The following CAMSAP3 variants were observed in gnomAD, a reference collection of about 807,000 sequenced individuals.
CAMSAP3 encodes the protein calmodulin-regulated spectrin-associated protein 3.
In CAMSAP3, 34 loss-of-function variants were observed where a neutral mutation model predicts 112.5. That is an observed-to-expected ratio of 0.30 (90% CI 0.23 to 0.40). The LOEUF (loss-of-function observed/expected upper bound fraction) is 0.40. CAMSAP3 is among the 10% of genes least tolerant of loss of function. The probability of loss-of-function intolerance (pLI) is 1.00; values close to 1 mark genes in which losing one functional copy is unlikely to be tolerated. For synonymous variants in CAMSAP3, 868 were observed against 799.8 expected (o/e 1.09, Z -1.44); for missense variants, 1,602 against 1,770.3 (o/e 0.90, Z 1.71).
rs1384777444 is a variant in CAMSAP3, at chr19:7,611,745, G to A, written c.1252G>A (p.Asp418Asn). 6.4e-7 allele frequency: 1 copy of A among 1,574,470 alleles called. No individual in the cohort carries two copies. Among genetic ancestry groups the A allele is most frequent in the East Asian group, 2.3e-5 (1 of 44,402 alleles). The change falls in exon 11 of 17, where the codon GAT becomes AAT. Residue 418 changes from aspartate (D) to asparagine (N), a missense_variant. Asp to Asn is a conservative substitution (Grantham distance 23, BLOSUM62 1). Coordinates refer to ENST00000160298, the MANE Select transcript of CAMSAP3 (RefSeq NM_020902.2). This position sits in a 1 kb window ranked among gnomAD's most constrained non-coding sequence, Gnocchi z 6.9. ...CCCCTTTGGCCTGGACAGCGACGTG[G>A]ATGTCGTCATGGGAGACCCTGTGCT... ...STPFGLDSDVDVVMGDPVLLR... is the reference protein window; with the variant it reads ...STPFGLDSDVNVVMGDPVLLR...
chr19:7,608,085 G>C (rs767034964), intron 4 of CAMSAP3, 41 bp from the exon 5 acceptor site: 2 of 1,594,708 alleles, frequency 1.3e-6, no homozygotes, highest in Admixed American at 3.4e-5. Flanking sequence ...TGACCCTGGG[G>C]GCCAGCCTGG....
At chr19:7,596,267 G>T in intron 1 of CAMSAP3, 117 bp downstream of exon 1, 1 of 432,164 alleles carries the variant, frequency 2.3e-6, no homozygotes, top group Non-Finnish European at 3.1e-6. Context: ...AGCGCCGGCC[G>T]CCGGGGGTCC....
chr19:7,616,046 C>T (rs1024838520), intron 13 of CAMSAP3, among the ~76,000 whole-genome samples: 13 of 143,486 alleles, frequency 9.1e-5, no homozygotes, highest in African/African-American at 1.3e-4. Context: ...AAAAATTAGC[C>T]GGGCATATGG....
intron 2 of CAMSAP3, 152 bp downstream of exon 2, chr19:7,605,631 C>A: frequency 2.1e-6 from 2 of 932,966 alleles, no homozygotes; most frequent in Admixed American, 3.7e-5. Context: ...TCCCATCAGG[C>A]TTGGCTCCTC....
Position 7,616,529 on chromosome 19 carries a change from G to T in CAMSAP3, c.3119G>T (p.Arg1040Leu), listed in dbSNP as rs750623892. 1.2e-6 allele frequency: 2 copies of T among 1,613,024 alleles called. No individual in the cohort carries two copies. Among genetic ancestry groups the T allele is most frequent in the Non-Finnish European group, 1.7e-6 (2 of 1,179,422 alleles). Residue 1040 changes from arginine (R) to leucine (L), a missense_variant, in exon 14 of 17, where the codon CGG (arginine) becomes CTG (leucine). Arg to Leu is a moderately radical substitution (Grantham distance 102). Around this residue, in one of 6 missense-constraint regions of CAMSAP3, gnomAD observed 1,100 missense variants for 1,135.7 expected, o/e 0.97. Transcript: ENST00000160298. ...CTGCAATCTCTGTCCCCAGGCTCTC[G>T]GCTGAGCAAAATCTATTCCCAGTCC... Reference protein sequence around the residue: ...RSPARGLLGSRLSKIYSQSTL... With the variant: ...RSPARGLLGSLLSKIYSQSTL...
chr19:7,607,763 G>T lies in CAMSAP3; in HGVS notation c.622-363G>T, dbSNP rs895258613. The T allele has an allele frequency of 8.3e-6, 5 of 599,994 alleles. No individual in the cohort carries two copies. In the African/African-American group the frequency reaches 9.5e-5, roughly 11 times the overall value. 37.2% of individuals were successfully genotyped at this position (599,994 alleles called of 1,614,324 possible). A position where few individuals can be genotyped will look rare whatever the true frequency, so the allele number is the denominator to read the frequency against. On this transcript the variant is annotated intron_variant, in intron 4 of 16. Coordinates refer to ENST00000160298, the MANE Select transcript of CAMSAP3 (RefSeq NM_020902.2). The surrounding 1 kb of genome is among the most constrained non-coding windows in gnomAD (Gnocchi z 4.9). ...ACCCCCTCCCCCCCAAGGTGGGCTT[G>T]GGGGCCCAGCAGGTCAGCACCCCTC...
At chr19:7,596,175 TCGGGGGCGGCGGGC>T in intron 1 of CAMSAP3, 25 bp downstream of exon 1, 1 of 34,498 alleles carries the variant, frequency 2.9e-5, no homozygotes, top group Non-Finnish European at 5.1e-5. Context: ...GGGACCGGGG[TCGGGGGCGGCGGGC>T]CGGGCGCGGC....
Position 7,611,901 on chromosome 19 carries a change from G to A in CAMSAP3, c.1408G>A (p.Glu470Lys), listed in dbSNP as rs745782700. Residue 470 changes from glutamate to lysine, a missense_variant, in exon 11 of 17, where the codon GAG (glutamate) becomes AAG (lysine). Coordinates refer to ENST00000160298, the MANE Select transcript of CAMSAP3 (RefSeq NM_020902.2). The surrounding 1 kb of genome is among the most constrained non-coding windows in gnomAD (Gnocchi z 6.9). ...AGCTCTGCAGATCATCCACAGTGCC[G>A]AGCCCCGGCTCCTCCCAGATGGGGC... ...EEALQIIHSA[E>K]PRLLPDGAAD... 40 of 1,578,278 alleles carry A rather than the reference G, an allele frequency of 2.5e-5. No homozygotes were observed. Among genetic ancestry groups the A allele is most frequent in the Non-Finnish European group, 3.3e-5 (38 of 1,159,576 alleles).
Position 7,611,294 on chromosome 19 carries a change from C to A in CAMSAP3, c.1123+126C>A. On this transcript the variant is annotated intron_variant, in intron 9 of 16. Transcript: ENST00000160298. The surrounding 1 kb of genome is among the most constrained non-coding windows in gnomAD (Gnocchi z 6.9). ...CTCCATCAGATCCCCCTTGGGCATC[C>A]CAAAGTGACCCCCAGAATGGCCTCC... 1.0e-6 allele frequency: 1 copy of A among 992,822 alleles called. No homozygotes were observed. Among genetic ancestry groups the A allele is most frequent in the Non-Finnish European group, 1.5e-6 (1 of 657,824 alleles). 61.5% of individuals were successfully genotyped at this position (992,822 alleles called of 1,614,324 possible).
chr19:7,615,006 T>C lies in CAMSAP3; in HGVS notation c.2671-177T>C. ...CGGCACCCAGTGTATCCCATCCCTG[T>C]TGTGTCCCAGTACTTAGTGTGGGGC... On this transcript the variant is annotated intron_variant, in intron 11 of 16. Transcript: ENST00000160298. The surrounding 1 kb of genome is among the most constrained non-coding windows in gnomAD (Gnocchi z 6.5). 1 of 712,100 alleles carries C rather than the reference T, an allele frequency of 1.4e-6. No homozygotes were observed. The highest frequency in any genetic ancestry group is 2.4e-6 in the Non-Finnish European group (1 of 413,032). 44.1% of individuals were successfully genotyped at this position (712,100 alleles called of 1,614,324 possible). A position where few individuals can be genotyped will look rare whatever the true frequency, so the allele number is the denominator to read the frequency against.
intron 1 of CAMSAP3, among the ~76,000 whole-genome samples, chr19:7,598,945 C>T (rs1307690196): frequency 6.6e-6 from 1 of 152,058 alleles, no homozygotes; most frequent in Non-Finnish European, 1.5e-5. Flanking sequence ...TTGGTTTTCT[C>T]ATCTGTACAA....
Position 7,605,200 on chromosome 19 carries a change from C to T in CAMSAP3, c.149-26C>T, listed in dbSNP as rs2030147850. 2.2e-6 allele frequency: 3 copies of T among 1,349,774 alleles called. No individual in the cohort carries two copies. The East Asian group carries it at 8.4e-5, about 38-fold the overall frequency. The allele number at this position is 1,349,774 out of a possible 1,614,324, so 83.6% of individuals were successfully genotyped here. A position where few individuals can be genotyped will look rare whatever the true frequency, so the allele number is the denominator to read the frequency against. Reference sequence around the variant, plus strand: ...TGTTGTATCTGGTGACCCTGACCCCCGTGTTTCCCCTCTATGCCCCCACAG... The same window carrying T: ...TGTTGTATCTGGTGACCCTGACCCCTGTGTTTCCCCTCTATGCCCCCACAG... On this transcript the variant is annotated intron_variant, in intron 1 of 16. Transcript: ENST00000160298.
At position 7,610,389 on chromosome 19, in the gene CAMSAP3, T is replaced by G; in HGVS notation, c.761-87T>G. ...AGCTGGGCTCATAGGAGGTCTTCCG[T>G]GTGTGGGGGACTGCTGGTCCCTGGC... On this transcript the variant is annotated intron_variant, in intron 5 of 16. Transcript: ENST00000160298. This position sits in a 1 kb window ranked among gnomAD's most constrained non-coding sequence, Gnocchi z 4.9. 2.5e-6 allele frequency: 3 copies of G among 1,213,060 alleles called. No individual in the cohort carries two copies. The highest frequency in any genetic ancestry group is 2.2e-5 in the Admixed American group (1 of 45,208). The allele number at this position is 1,213,060 out of a possible 1,614,324, so 75.1% of individuals were successfully genotyped here.
At chr19:7,605,567 GT>G in intron 2 of CAMSAP3, 88 bp downstream of exon 2, 1 of 1,340,750 alleles carries the variant, frequency 7.5e-7, no homozygotes, top group South Asian at 1.8e-5. Context: ...CTCCTCCCAA[GT>G]TCCCTCTATC....
intron 1 of CAMSAP3, among the ~76,000 whole-genome samples, chr19:7,598,842 T>G (rs1322441431): frequency 6.6e-6 from 1 of 152,098 alleles, no homozygotes; most frequent in Non-Finnish European, 1.5e-5. Flanking sequence ...TGCAGTTCTT[T>G]ATGCCTTCAG....
At position 7,618,057 on chromosome 19, in the gene CAMSAP3, G is replaced by T. The variant is rs1435910578; in HGVS notation, c.3750G>T (p.Ter1250TyrextTer77). The T allele has an allele frequency of 6.2e-7, 1 of 1,610,284 alleles. No individual in the cohort carries two copies. The highest frequency in any genetic ancestry group is 1.7e-5 in the Admixed American group (1 of 59,926). Reference protein sequence around the residue: ...TPKKGGGTPK* With the variant: ...TPKKGGGTPKY Reference sequence around the variant, plus strand: ...AGAAGGGCGGCGGCACCCCCAAATAGCCCCACCCGGGCGGTCCACGGGCCG... The same window carrying T: ...AGAAGGGCGGCGGCACCCCCAAATATCCCCACCCGGGCGGTCCACGGGCCG... The change falls in exon 17 of 17, where the codon TAG becomes TAT. Residue 1250 changes from the stop codon to tyrosine, a stop_lost. Transcript: ENST00000160298.
chr19:7,614,976 G>C, intron 11 of CAMSAP3: 1 of 632,324 alleles, frequency 1.6e-6, no homozygotes, highest in South Asian at 1.9e-5. Context: ...CAGTGTGTGT[G>C]TGAGCGGCAC....
intron 5 of CAMSAP3, among the ~76,000 whole-genome samples, chr19:7,609,019 T>G (rs1414305151): frequency 6.6e-6 from 1 of 151,996 alleles, no homozygotes; most frequent in Non-Finnish European, 1.5e-5. Flanking sequence ...TTTTTCTTTT[T>G]TATTAAAAAA....
In CAMSAP3 at chr19:7,615,346, G is replaced by C. The variant is rs972067429; in HGVS notation, c.2810+24G>C. ...AGGTGAGGCCGGGCCTGCCCGGGAC[G>C]CCCGCTCCTTGGCCTGTCTGCCACC... On this transcript the variant is annotated intron_variant, in intron 12 of 16. Coordinates refer to ENST00000160298, the MANE Select transcript of CAMSAP3 (RefSeq NM_020902.2). This position sits in a 1 kb window ranked among gnomAD's most constrained non-coding sequence, Gnocchi z 6.5. The C allele has an allele frequency of 6.5e-7, 1 of 1,535,638 alleles. No individual in the cohort carries two copies. The highest frequency in any genetic ancestry group is 8.8e-7 in the Non-Finnish European group (1 of 1,137,766).
Sources: gnomAD v4.1 joint callset for allele counts (sites outside exome capture counted in the v4.1 genomes callset) on GRCh38, gnomAD v4.1.1 for gene constraint, gnomAD v4.1.1 regional missense constraint, Gnocchi (gnomAD v3.1) non-coding constraint, MANE v1.5 for transcripts, NCBI Gene and HGNC (gene_info 2026-07-23, HGNC 2026-07-21) for gene names.